DNAH6: variants seen among roughly 807,000 people sequenced by gnomAD.
The protein encoded by DNAH6 is axonemal beta dynein heavy chain 6.
DNAH6 carries 340 observed loss-of-function variants against 491.4 expected under a neutral mutation model. That is an observed-to-expected ratio of 0.69 (90% CI 0.63 to 0.76). The LOEUF (loss-of-function observed/expected upper bound fraction) is 0.76. Ranked by LOEUF, DNAH6 falls within the 30% of genes least tolerant of loss-of-function variation. DNAH6 has a pLI of 0.00. For missense variants in DNAH6, 4,443 were observed against 4,972.2 expected, an observed-to-expected ratio of 0.89 and a Z score of 3.20; for synonymous variants, 1,603 against 1,686.1, an observed-to-expected ratio of 0.95 and a Z score of 1.21.
At chr2:84,652,556 T>C (rs2104560313) in intron 33 of DNAH6, among the ~76,000 whole-genome samples, 1 of 152,212 alleles carries the variant, frequency 6.6e-6, no homozygotes, top group South Asian at 2.1e-4. Context: ...TTGTCTGTTT[T>C]TCTTTGTTCA....
chr2:84,511,882 G>C (rs1479593636), upstream of DNAH6, among the ~76,000 whole-genome samples: 1 of 151,940 alleles, frequency 6.6e-6, no homozygotes, highest in Non-Finnish European at 1.5e-5. Flanking sequence ...CTTACCCATG[G>C]TGTATAATCC....
At chr2:84,619,606 C>A in intron 23 of DNAH6, 79 bp from the exon 24 acceptor site, 1 of 1,320,074 alleles carries the variant, frequency 7.6e-7, no homozygotes. Context: ...AGAGATGTGG[C>A]TAAGGAATTT....
At chr2:84,481,935 G>A in the DNAH6 span, among the ~76,000 whole-genome samples, 1 of 152,116 alleles carries the variant, frequency 6.6e-6, no homozygotes, top group South Asian at 2.1e-4. Flanking sequence ...GACCCACTCT[G>A]TTCTCACCAG....
the DNAH6 span, among the ~76,000 whole-genome samples, chr2:84,511,234 C>T: frequency 6.6e-6 from 1 of 152,212 alleles, no homozygotes; most frequent in African/African-American, 2.4e-5. Context: ...GTTCGAGCTT[C>T]CTGGCTGCTT....
chr2:84,630,617 T>C (rs1688311877), intron 29 of DNAH6, among the ~76,000 whole-genome samples: 2 of 152,200 alleles, frequency 1.3e-5, no homozygotes, highest in South Asian at 4.1e-4. Flanking sequence ...TTAAAGAGAT[T>C]TAAGAGACAC....
chr2:84,507,264 C>T, the DNAH6 span, among the ~76,000 whole-genome samples: 1 of 152,148 alleles, frequency 6.6e-6, no homozygotes, highest in African/African-American at 2.4e-5. Context: ...TGTAGTTCTT[C>T]TTAAAGAGGT....
At chr2:84,585,533 G>C (rs966860123) in intron 15 of DNAH6, among the ~76,000 whole-genome samples, 1 of 152,254 alleles carries the variant, frequency 6.6e-6, no homozygotes, top group East Asian at 1.9e-4. Context: ...CAGCAGAGAG[G>C]AGGCCCTGGA....
chr2:84,685,730 C>T (rs1267675437), intron 43 of DNAH6, among the ~76,000 whole-genome samples: 1 of 151,832 alleles, frequency 6.6e-6, no homozygotes, highest in African/African-American at 2.4e-5. Context: ...TACTTGGATC[C>T]CTTGGGCTCA....
At chr2:84,537,501 A>G (rs969697514) in intron 4 of DNAH6, among the ~76,000 whole-genome samples, 1 of 152,062 alleles carries the variant, frequency 6.6e-6, no homozygotes, top group Non-Finnish European at 1.5e-5. Context: ...CCAGGTGGCT[A>G]TTAGACTGCT....
chr2:84,800,990 G>A (rs573658265), intron 70 of DNAH6, among the ~76,000 whole-genome samples: 24 of 149,670 alleles, frequency 1.6e-4, no homozygotes, highest in Admixed American at 3.4e-4. Context: ...GTAAACTATC[G>A]CAAGAACAAA....
At chr2:84,725,650 G>A (rs1201658385) in intron 60 of DNAH6, among the ~76,000 whole-genome samples, 1 of 152,154 alleles carries the variant, frequency 6.6e-6, no homozygotes, top group East Asian at 1.9e-4. Flanking sequence ...AATATCTTGG[G>A]CTGAAAGTAA....
At chr2:84,507,474 G>A in the DNAH6 span, among the ~76,000 whole-genome samples, 20 of 152,128 alleles carry the variant, frequency 1.3e-4, no homozygotes, top group African/African-American at 3.9e-4. Context: ...GGGCTGAGAC[G>A]ATGGGGTTTT....
At position 84,621,295 on chromosome 2, in the gene DNAH6, C is replaced by G. The variant is rs1687371426; in HGVS notation, c.3897C>G (p.Ala1299=). Residue 1299 remains alanine, a synonymous_variant, in exon 25 of 77, where the codon GCC becomes GCG. Transcript: ENST00000389394. ...FTSLRRLCKA[A]IADYQGKLRT... ...CTCTGCGTCGCCTGTGCAAAGCTGC[C>G]ATCGCTGACTATCAGGGGAAACTGA... The G allele has an allele frequency of 2.6e-6, 4 of 1,551,494 alleles. No individual in the cohort carries two copies. In the Admixed American group the frequency reaches 5.9e-5, roughly 23 times the overall value.
At chr2:84,555,079 G>A (rs567622145) in intron 10 of DNAH6, among the ~76,000 whole-genome samples, 1 of 152,224 alleles carries the variant, frequency 6.6e-6, no homozygotes, top group East Asian at 1.9e-4. Context: ...GTATAAATAG[G>A]ACTATCATTC....
At chr2:84,530,819 A>G (rs1329540115) in intron 4 of DNAH6, among the ~76,000 whole-genome samples, 1 of 152,144 alleles carries the variant, frequency 6.6e-6, no homozygotes, top group Non-Finnish European at 1.5e-5. Flanking sequence ...GGAGTACAGG[A>G]TGAGTTTAAT....
At chr2:84,639,041 A>T (rs1298054301) in intron 31 of DNAH6, among the ~76,000 whole-genome samples, 1 of 152,176 alleles carries the variant, frequency 6.6e-6, no homozygotes, top group Non-Finnish European at 1.5e-5. Context: ...CACCTTCAGC[A>T]CTGGGAATTA....
chr2:84,596,423 A>G (rs949456029), intron 18 of DNAH6, among the ~76,000 whole-genome samples: 1 of 151,974 alleles, frequency 6.6e-6, no homozygotes, highest in Non-Finnish European at 1.5e-5. Flanking sequence ...TCCTGGGTTC[A>G]AGCGATTCTC....
At chr2:84,635,337 C>T (rs1573306827) in intron 30 of DNAH6, among the ~76,000 whole-genome samples, 1 of 152,232 alleles carries the variant, frequency 6.6e-6, no homozygotes, top group African/African-American at 2.4e-5. Flanking sequence ...ACCAAATCTA[C>T]GTGAAGTATA....
At chr2:84,739,098 A>T (rs1672271418) in intron 62 of DNAH6, among the ~76,000 whole-genome samples, 1 of 152,224 alleles carries the variant, frequency 6.6e-6, no homozygotes, top group South Asian at 2.1e-4. Context: ...TATGAAGCTT[A>T]GCATGGAAGG....
Sources: gnomAD v4.1 joint callset for allele counts (sites outside exome capture counted in the v4.1 genomes callset) on GRCh38, gnomAD v4.1.1 for gene constraint, MANE v1.5 for transcripts, NCBI Gene and HGNC (gene_info 2026-07-23, HGNC 2026-07-21) for gene names.